The following FBXL7 variants were observed in gnomAD, a reference collection of about 807,000 sequenced individuals.
FBXL7 encodes the protein F-box and leucine rich repeat protein 7.
FBXL7 carries 12 observed loss-of-function variants against 38.3 expected under a neutral mutation model. The ratio of observed to expected loss-of-function variants is 0.31; its 90% CI spans 0.20 to 0.51. The LOEUF (loss-of-function observed/expected upper bound fraction) is 0.51. Ranked by LOEUF, FBXL7 falls within the 20% of genes least tolerant of loss-of-function variation. The pLI is 0.98. For synonymous variants in FBXL7, 297 were observed against 300.9 expected (o/e 0.99, Z 0.13); for missense variants, 567 against 676.4 (o/e 0.84, Z 1.79).
At chr5:15,717,776 G>T (rs763172430) in intron 2 of FBXL7, among the ~76,000 whole-genome samples, 59 of 152,118 alleles carry the variant, frequency 3.9e-4, no homozygotes, top group South Asian at 4.1e-4. Flanking sequence ...CAAAATAATT[G>T]CCCTGAGCTC....
intron 2 of FBXL7, among the ~76,000 whole-genome samples, chr5:15,778,738 G>A (rs781481220): frequency 6.6e-6 from 1 of 152,062 alleles, no homozygotes; most frequent in Non-Finnish European, 1.5e-5. Context: ...ACAGGTAGTT[G>A]CCGATGCTCC....
At chr5:15,670,421 C>G (rs1254745319) in intron 2 of FBXL7, among the ~76,000 whole-genome samples, 4 of 152,210 alleles carry the variant, frequency 2.6e-5, no homozygotes, top group Admixed American at 2.0e-4. Flanking sequence ...ACTTTTCCTT[C>G]ATTACAGCAG....
chr5:15,864,832 T>G (rs903314741), intron 2 of FBXL7, among the ~76,000 whole-genome samples: 7 of 152,196 alleles, frequency 4.6e-5, no homozygotes, highest in Admixed American at 4.6e-4. Flanking sequence ...TAAAGAAATA[T>G]TATTATATCT....
chr5:15,698,637 T>C (rs903931859), intron 2 of FBXL7, among the ~76,000 whole-genome samples: 1 of 152,240 alleles, frequency 6.6e-6, no homozygotes, highest in Non-Finnish European at 1.5e-5. Context: ...TCTGTCTGTC[T>C]TTTCTCTGTT....
At chr5:15,583,822 G>A (rs546552938) in intron 1 of FBXL7, among the ~76,000 whole-genome samples, 4 of 152,328 alleles carry the variant, frequency 2.6e-5, no homozygotes, top group African/African-American at 9.6e-5. Flanking sequence ...CCCCAGTGGG[G>A]ACTCTGTGTG....
chr5:15,721,888 G>A (rs952957133), intron 2 of FBXL7, among the ~76,000 whole-genome samples: 3 of 152,070 alleles, frequency 2.0e-5, no homozygotes, highest in African/African-American at 7.2e-5. Flanking sequence ...AGGCTAGAGT[G>A]CAGTGGCACG....
Position 15,927,909 on chromosome 5 carries a change from C to T in FBXL7, c.147C>T (p.Arg49=), listed in dbSNP as rs1298109469. 6.5e-7 allele frequency: 1 copy of T among 1,531,804 alleles called. No individual in the cohort carries two copies. Among genetic ancestry groups the T allele is most frequent in the Admixed American group, 2.1e-5 (1 of 48,240 alleles). The allele number at this position is 1,531,804 out of a possible 1,614,324, so 94.9% of individuals were successfully genotyped here. A position where few individuals can be genotyped will look rare whatever the true frequency, so the allele number is the denominator to read the frequency against. ...TGCCAGACTCCGACCTGAGCATGCG[C>T]ACACTGAGCACGCCCAGCCCAGCCC... is the stretch of plus-strand genomic sequence containing the variant. ...ATSEDSDLSM[R]TLSTPSPALI... is the part of the protein sequence containing the mutation. Residue 49 remains arginine (R), a synonymous_variant, in exon 3 of 4, where the codon CGC becomes CGT. Coordinates refer to ENST00000504595, the MANE Select transcript of FBXL7 (RefSeq NM_012304.5).
chr5:15,888,202 T>TTATG, intron 2 of FBXL7, among the ~76,000 whole-genome samples: 1 of 35,624 alleles, frequency 2.8e-5, no homozygotes, highest in South Asian at 1.3e-3. Context: ...ACCACTTTAT[T>TTATG]TATTTATTTA....
At chr5:15,582,508 C>T (rs975946710) in intron 1 of FBXL7, among the ~76,000 whole-genome samples, 4 of 152,194 alleles carry the variant, frequency 2.6e-5, no homozygotes, top group African/African-American at 4.8e-5. Context: ...TCTTTTCATT[C>T]AGCAGTTTCA....
chr5:15,774,538 T>C (rs541878019), intron 2 of FBXL7, among the ~76,000 whole-genome samples: 2 of 152,314 alleles, frequency 1.3e-5, no homozygotes, highest in Non-Finnish European at 2.9e-5. Context: ...TCTTTGAGAA[T>C]CCCACCTTTG....
chr5:15,707,729 A>G (rs112940532), intron 2 of FBXL7, among the ~76,000 whole-genome samples: 10 of 152,298 alleles, frequency 6.6e-5, no homozygotes, highest in South Asian at 4.1e-4. Context: ...AGGTTTTTCC[A>G]TCTGATTTTG....
Position 15,670,428 on chromosome 5 carries a change from G to A in FBXL7, c.127+54356G>A, listed in dbSNP as rs144204332. 3.3e-3 allele frequency among the ~76,000 whole-genome samples: 502 copies of A among 152,222 alleles called. 3 individuals carry two copies. Among genetic ancestry groups the A allele is most frequent in the African/African-American group, 0.011 (477 of 41,530 alleles). On this transcript the variant is annotated intron_variant, in intron 2 of 3. Transcript: ENST00000504595. The stretch of plus-strand genomic sequence containing the variant: ...CCCCTCTAACTTTTCCTTCATTACA[G>A]CAGAGCCATCCCACTGGTCAGGGGA...
At chr5:15,653,357 T>C (rs906403099) in intron 2 of FBXL7, among the ~76,000 whole-genome samples, 1 of 152,124 alleles carries the variant, frequency 6.6e-6, no homozygotes, top group African/African-American at 2.4e-5. Context: ...TAAAATGAAG[T>C]ATTCTCTTAT....
rs139321571 is a variant in FBXL7 at position 15,511,425 on chromosome 5, C to T, written c.37+10712C>T. 1.4e-3 allele frequency among the ~76,000 whole-genome samples: 213 copies of T among 152,280 alleles called. 2 individuals are homozygous for T. Among genetic ancestry groups the T allele is most frequent in the African/African-American group, 5.1e-3 (211 of 41,558 alleles). On this transcript the variant is annotated intron_variant, in intron 1 of 3. Coordinates refer to ENST00000504595, the MANE Select transcript of FBXL7 (RefSeq NM_012304.5). Reference sequence around the variant, plus strand: ...ACCTGGGGTAGCCTTTGTGCCTACACACAAGCAAAAGCTCATGGAGGGCTG... The same window carrying T: ...ACCTGGGGTAGCCTTTGTGCCTACATACAAGCAAAAGCTCATGGAGGGCTG...
At chr5:15,556,680 A>T (rs540188446) in intron 1 of FBXL7, among the ~76,000 whole-genome samples, 1 of 152,148 alleles carries the variant, frequency 6.6e-6, no homozygotes, top group African/African-American at 2.4e-5. Flanking sequence ...ATTTAATTCA[A>T]TCAATTTTTA....
intron 2 of FBXL7, among the ~76,000 whole-genome samples, chr5:15,749,015 G>T (rs1736085428): frequency 6.6e-6 from 1 of 151,728 alleles, no homozygotes; most frequent in South Asian, 2.1e-4. Flanking sequence ...GAGGCTGAGT[G>T]GGGCAGATTA....
At chr5:15,886,210 G>GGTGTGTGTGTGTGTGTGTGTGT (rs140069204) in intron 2 of FBXL7, among the ~76,000 whole-genome samples, 2 of 149,986 alleles carry the variant, frequency 1.3e-5, no homozygotes, top group African/African-American at 4.9e-5. Context: ...ATAATTTTGA[G>GGTGTGTGTGTGTGTGTGTGTGT]GTGTGTGTGT....
In FBXL7 at chr5:15,677,615, G is replaced by A. The variant is rs1214327081; in HGVS notation, c.127+61543G>A. ...AACATGTCAACAGAAGTTGTAAAAG[G>A]TGTGAGCACTAACTGTAATTTCTCA... On this transcript the variant is annotated intron_variant, in intron 2 of 3. Transcript: ENST00000504595. Among the ~76,000 whole-genome samples the A allele has an allele frequency of 3.3e-5, 5 of 152,018 alleles. 1 individual carries two copies. The highest frequency in any genetic ancestry group is 2.6e-4 in the Admixed American group (4 of 15,254).
At chr5:15,658,724 A>G (rs1334934357) in intron 2 of FBXL7, among the ~76,000 whole-genome samples, 1 of 152,096 alleles carries the variant, frequency 6.6e-6, no homozygotes, top group Non-Finnish European at 1.5e-5. Flanking sequence ...GGCTGCATGC[A>G]CCGGTAATCA....
Sources: allele counts gnomAD v4.1 joint callset (sites outside exome capture counted in the v4.1 genomes callset), GRCh38; gene constraint gnomAD v4.1.1; transcripts MANE v1.5; gene names NCBI Gene and HGNC (gene_info 2026-07-23, HGNC 2026-07-21).